Variants in ROBO2 observed in about 807,000 individuals in gnomAD.
ROBO2 encodes roundabout guidance receptor 2, also known as roundabout homolog 2.
Under a neutral mutation model 160.8 loss-of-function variants are expected in ROBO2, and 53 were observed. That is an observed-to-expected ratio of 0.33 (90% CI 0.26 to 0.41). The LOEUF is 0.41. Among genes scored for constraint, ROBO2 ranks in the 10% least tolerant of loss-of-function variants. The probability of loss-of-function intolerance (pLI) is 1.00; values close to 1 mark genes in which losing one functional copy is unlikely to be tolerated. For synonymous variants in ROBO2, 664 were observed against 611.7 expected, an observed-to-expected ratio of 1.09 and a Z score of -1.26; for missense variants, 1,577 against 1,722.4, an observed-to-expected ratio of 0.92 and a Z score of 1.49.
At chr3:76,455,033 A>T (rs1172919431) in intron 2 of ROBO2, among the ~76,000 whole-genome samples, 2 of 152,128 alleles carry the variant, frequency 1.3e-5, no homozygotes, top group African/African-American at 4.8e-5. Context: ...TAGGTAAAAT[A>T]AAGTTAAAAT....
chr3:76,182,275 A>G (rs1231615640), intron 2 of ROBO2, among the ~76,000 whole-genome samples: 1 of 152,104 alleles, frequency 6.6e-6, no homozygotes, highest in Non-Finnish European at 1.5e-5. Context: ...GTCCCTTAGG[A>G]TTCATGGTAA....
intron 2 of ROBO2, among the ~76,000 whole-genome samples, chr3:76,882,305 A>G (rs2073432072): frequency 6.6e-6 from 1 of 152,170 alleles, no homozygotes. Context: ...AGGTGAAACA[A>G]GTATCTGGCA....
Position 77,503,179 on chromosome 3 carries a change from C to T in ROBO2, c.806+9797C>T, listed in dbSNP as rs2087876794. On this transcript the variant is annotated intron_variant, in intron 5 of 25. Coordinates refer to ENST00000461745, the Ensembl canonical transcript of ROBO2. ...TGCATGCCTGTATCAAAACATCTCACGTACCCTACTATGTACCCACAAAAA... is the reference window on the plus strand; with the variant it reads ...TGCATGCCTGTATCAAAACATCTCATGTACCCTACTATGTACCCACAAAAA... Among the ~76,000 whole-genome samples the T allele has an allele frequency of 2.6e-5, 4 of 151,796 alleles. No individual in the cohort carries two copies. In the South Asian group the frequency reaches 6.3e-4, roughly 24 times the overall value.
At chr3:76,852,393 G>T (rs975711300) in intron 2 of ROBO2, among the ~76,000 whole-genome samples, 140 of 152,100 alleles carry the variant, frequency 9.2e-4, no homozygotes, top group African/African-American at 3.2e-3. Context: ...CCTAATTCCT[G>T]ACCTTTTAAT....
intron 2 of ROBO2, among the ~76,000 whole-genome samples, chr3:76,183,557 T>G (rs1002611498): frequency 6.6e-6 from 1 of 152,112 alleles, no homozygotes; most frequent in East Asian, 1.9e-4. Context: ...ATTCATTCAT[T>G]TGTTCATTCA....
chr3:77,442,628 G>T (rs1421274201), intron 2 of ROBO2, among the ~76,000 whole-genome samples: 3 of 152,142 alleles, frequency 2.0e-5, no homozygotes, highest in African/African-American at 7.2e-5. Flanking sequence ...TGTTGTATCA[G>T]TTAGTAGCAG....
chr3:76,146,947 A>G (rs1002105123), intron 2 of ROBO2, among the ~76,000 whole-genome samples: 1 of 149,190 alleles, frequency 6.7e-6, no homozygotes, highest in Non-Finnish European at 1.5e-5. Context: ...ATAGAGGGGA[A>G]CAACACACAA....
intron 2 of ROBO2, among the ~76,000 whole-genome samples, chr3:76,042,581 T>C (rs1452811879): frequency 1.3e-5 from 2 of 152,032 alleles, no homozygotes; most frequent in Non-Finnish European, 2.9e-5. Context: ...TTTTATATTG[T>C]TTTATACTCA....
chr3:77,634,468 C>A, intron 23 of ROBO2: 1 of 181,452 alleles, frequency 5.5e-6, no homozygotes, highest in East Asian at 1.4e-4. Context: ...TTTTATTAAA[C>A]AAATACAACA....
intron 11 of ROBO2, 89 bp from the exon 13 acceptor site, chr3:77,564,865 C>G (rs2093433395): frequency 3.7e-6 from 4 of 1,086,642 alleles, no homozygotes; most frequent in Non-Finnish European, 5.5e-6. Context: ...TGTTTAATTT[C>G]CAGCCATTAA....
chr3:77,341,830 C>A, intron 2 of ROBO2, among the ~76,000 whole-genome samples: 1 of 149,718 alleles, frequency 6.7e-6, no homozygotes, highest in Admixed American at 6.6e-5. Context: ...TATGCATATT[C>A]TAATTAAAAA....
chr3:76,429,391 A>G (rs1247640204), intron 2 of ROBO2, among the ~76,000 whole-genome samples: 1 of 152,200 alleles, frequency 6.6e-6, no homozygotes, highest in Non-Finnish European at 1.5e-5. Context: ...TGGAGACAGT[A>G]TTTTAAAGCA....
At chr3:77,564,378 A>G (rs572607581) in intron 11 of ROBO2, 2 of 448,412 alleles carry the variant, frequency 4.5e-6, no homozygotes, top group African/African-American at 4.0e-5. Context: ...ACAATACTGT[A>G]TAATGTACAA....
intron 8 of ROBO2, among the ~76,000 whole-genome samples, chr3:77,555,492 A>G (rs1256940000): frequency 1.3e-5 from 2 of 152,008 alleles, no homozygotes; most frequent in Non-Finnish European, 2.9e-5. Flanking sequence ...GATTAAGCTA[A>G]TATGTTTCAA....
At chr3:76,368,548 T>C (rs555437297) in intron 2 of ROBO2, among the ~76,000 whole-genome samples, 1 of 151,894 alleles carries the variant, frequency 6.6e-6, no homozygotes, top group East Asian at 1.9e-4. Flanking sequence ...GACCACAGTA[T>C]TTACACCTGA....
At chr3:77,182,714 T>C (rs2080902869) in intron 2 of ROBO2, among the ~76,000 whole-genome samples, 3 of 152,010 alleles carry the variant, frequency 2.0e-5, no homozygotes, top group Admixed American at 2.0e-4. Context: ...GAAACTGCAA[T>C]GAGTTGGTGC....
chr3:76,344,466 C>G (rs2074406693), intron 2 of ROBO2, among the ~76,000 whole-genome samples: 1 of 152,060 alleles, frequency 6.6e-6, no homozygotes, highest in South Asian at 2.1e-4. Flanking sequence ...ACTCTTTGAT[C>G]AAGGGAATGT....
chr3:76,356,709 T>C (rs992248398), intron 2 of ROBO2, among the ~76,000 whole-genome samples: 1 of 151,826 alleles, frequency 6.6e-6, no homozygotes, highest in Middle Eastern at 3.2e-3. Context: ...GAGTTTCACA[T>C]ACCGTTTTTG....
At chr3:77,581,288 T>C (rs564838639) in intron 16 of ROBO2, among the ~76,000 whole-genome samples, 16 of 152,246 alleles carry the variant, frequency 1.1e-4, no homozygotes, top group African/African-American at 3.8e-4. Flanking sequence ...ATTTTCTTAA[T>C]AGTGTCATTT....
Sources: allele counts gnomAD v4.1 joint callset (sites outside exome capture counted in the v4.1 genomes callset), GRCh38; gene constraint gnomAD v4.1.1; transcripts MANE v1.5; gene names NCBI Gene and HGNC (gene_info 2026-07-23, HGNC 2026-07-21).